The following PGAP6 variants were observed in gnomAD, a reference collection of about 807,000 sequenced individuals.
PGAP6 encodes post-GPI attachment to proteins 6.
PGAP6 carries 62 observed loss-of-function variants against 68.4 expected under a neutral mutation model. The ratio of observed to expected loss-of-function variants is 0.91; its 90% CI spans 0.74 to 1.12. PGAP6 has a LOEUF of 1.12. PGAP6 is among the 50% of genes most tolerant of loss of function. The probability of loss-of-function intolerance (pLI) is 0.00; values close to 1 mark genes in which losing one functional copy is unlikely to be tolerated. For missense variants in PGAP6, 1,188 were observed against 1,068.5 expected (o/e 1.11, Z -1.56); for synonymous variants, 575 against 474.0 (o/e 1.21, Z -2.77).
chr16:381,026 G>A (rs1369148557), intron 1 of PGAP6, among the ~76,000 whole-genome samples: 2 of 152,248 alleles, frequency 1.3e-5, no homozygotes, highest in African/African-American at 4.8e-5. Context: ...GAAGGGCTAC[G>A]CCTTCTCCCT....
intron 1 of PGAP6, among the ~76,000 whole-genome samples, chr16:378,261 C>CCACTCTG (rs2054406525): frequency 1.8e-5 from 2 of 114,144 alleles, no homozygotes; most frequent in South Asian, 3.9e-4. Context: ...TCCCCACCCG[C>CCACTCTG]ACTGCCATCC....
chr16:376,203 A>G lies in PGAP6; in HGVS notation c.1157T>C (p.Met386Thr). Residue 386 changes from methionine (M) to threonine (T), a missense_variant, in exon 6 of 13, where the codon ATG becomes ACG. By Grantham distance (81) the Met-to-Thr change is moderately conservative. Coordinates refer to ENST00000431232, the MANE Select transcript of PGAP6 (RefSeq NM_021259.3). ...VRVCSDTPSV[M>T]RLRLNTGMDS... ...CATGCCGGTGTTCAGGCGCAGCCGC[A>G]TCACGGAGGGCGTGTCCGAACACAC... 1 of 1,612,654 alleles carries G rather than the reference A, an allele frequency of 6.2e-7. No individual in the cohort carries two copies.
At chr16:386,360 G>C (rs1478190682), upstream of PGAP6, among the ~76,000 whole-genome samples, 1 of 152,150 alleles carries the variant, frequency 6.6e-6, no homozygotes, top group African/African-American at 2.4e-5. Flanking sequence ...CACTCTCCCA[G>C]GCTCTGCAGG....
At chr16:380,360 C>T (rs1453352920) in intron 1 of PGAP6, among the ~76,000 whole-genome samples, 1 of 143,732 alleles carries the variant, frequency 7.0e-6, no homozygotes, top group South Asian at 2.2e-4. Context: ...ATTTTTTTTT[C>T]TTTCTGTCTT....
chr16:383,210 A>C (rs1459263519), upstream of PGAP6: 1 of 152,162 alleles, frequency 6.6e-6, no homozygotes, highest in Non-Finnish European at 1.5e-5. Flanking sequence ...AAAAAAAAAA[A>C]AAATTAAAGG....
At position 371,699 on chromosome 16, in the gene PGAP6, C is replaced by CTCG; in HGVS notation, c.*285_*287dup. Reference sequence around the variant, plus strand: ...GGCCAGCAGAGCACACAGCCCCACCCTCGCACAGGCACCTGTGGTCTCCAA... The same window carrying CTCG: ...GGCCAGCAGAGCACACAGCCCCACCCTCGTCGCACAGGCACCTGTGGTCTCCAA... On this transcript the variant is annotated 3_prime_UTR_variant, in exon 13 of 13. Transcript: ENST00000431232. 2.3e-6 allele frequency: 1 copy of CTCG among 427,972 alleles called. No homozygotes were observed. Among genetic ancestry groups the CTCG allele is most frequent in the Non-Finnish European group, 4.3e-6 (1 of 231,244 alleles). 26.5% of individuals were successfully genotyped at this position (427,972 alleles called of 1,614,324 possible). A position where few individuals can be genotyped will look rare whatever the true frequency, so the allele number is the denominator to read the frequency against.
chr16:377,828 G>A lies in PGAP6; in HGVS notation c.142C>T (p.His48Tyr). The A allele has an allele frequency of 6.4e-7, 1 of 1,562,338 alleles. No homozygotes were observed. Among genetic ancestry groups the A allele is most frequent in the Non-Finnish European group, 8.7e-7 (1 of 1,153,940 alleles). The change falls in exon 2 of 13, where the codon CAC (histidine) becomes TAC (tyrosine). Residue 48 changes from histidine (H) to tyrosine (Y), a missense_variant. Transcript: ENST00000431232. Reference sequence around the variant, plus strand: ...AGCCTCTGCGGGGCCTGCGAGAAGTGCTCGGACACCAGCCCCACCTCTGTG... The same window carrying A: ...AGCCTCTGCGGGGCCTGCGAGAAGTACTCGGACACCAGCCCCACCTCTGTG... Reference protein sequence around the residue: ...GKSEVGLVSEHFSQAPQRLSF... With the variant: ...GKSEVGLVSEYFSQAPQRLSF...
At position 377,488 on chromosome 16, in the gene PGAP6, G is replaced by A. The variant is rs1180029351; in HGVS notation, c.397C>T (p.Leu133=). The A allele has an allele frequency of 6.2e-7, 1 of 1,606,584 alleles. No individual in the cohort carries two copies. Among genetic ancestry groups the A allele is most frequent in the Admixed American group, 1.7e-5 (1 of 59,208 alleles). ...GCATTGCTTCTCGGTGTGGTGCTCA[G>A]CGGCACCCCGACCTGGAAGGAGGGC... is the stretch of plus-strand genomic sequence containing the variant. ...VQPSFQVGVP[L]STTPRSNASV... Residue 133 remains leucine, a synonymous_variant, in exon 3 of 13, where the codon CTG becomes TTG. Transcript: ENST00000431232.
At chr16:385,086 A>C (rs1020545527), upstream of PGAP6, among the ~76,000 whole-genome samples, 11 of 150,450 alleles carry the variant, frequency 7.3e-5, no homozygotes, top group East Asian at 1.2e-3. Flanking sequence ...GAATCACTTG[A>C]ACCCGGGAGG....
At chr16:382,073 G>A (rs986085980), upstream of PGAP6, 14 of 376,616 alleles carry the variant, frequency 3.7e-5, 1 homozygote, top group African/African-American at 3.1e-4. Context: ...GGGGGGAGGG[G>A]TCACGTGGGG....
intron 1 of PGAP6, among the ~76,000 whole-genome samples, chr16:381,369 G>A (rs1015201080): frequency 6.6e-6 from 1 of 152,146 alleles, no homozygotes; most frequent in African/African-American, 2.4e-5. Context: ...CTGGAGTCCC[G>A]GGCAGAGTCC....
chr16:375,068 C>A (rs184411379), intron 8 of PGAP6, 65 bp downstream of exon 8: 1 of 1,593,392 alleles, frequency 6.3e-7, no homozygotes, highest in East Asian at 2.2e-5. Flanking sequence ...TCAGGCAGCC[C>A]GGCCTGTGGT....
intron 6 of PGAP6, 67 bp from the exon 7 acceptor site, chr16:375,502 C>T (rs968892165): frequency 6.2e-5 from 84 of 1,353,228 alleles, no homozygotes; most frequent in Non-Finnish European, 8.3e-5. Context: ...ATCTGCCCCA[C>T]GTGCCAGCTC....
intron 4 of PGAP6, 74 bp from the exon 5 acceptor site, chr16:376,886 C>T (rs2054389612): frequency 6.4e-7 from 1 of 1,574,308 alleles, no homozygotes; most frequent in Non-Finnish European, 8.6e-7. Context: ...CCAGGCTCTG[C>T]TGTTCCTCAG....
At chr16:385,412 C>T (rs1194186146), upstream of PGAP6, among the ~76,000 whole-genome samples, 5 of 144,610 alleles carry the variant, frequency 3.5e-5, no homozygotes, top group East Asian at 8.7e-4. Flanking sequence ...CCCGGGTTCA[C>T]GCCATTCTCC....
rs1465161169 is a variant in PGAP6 at position 374,877 on chromosome 16, A to C, written c.1455T>G (p.Ala485=). The change falls in exon 9 of 13, where the codon GCT becomes GCG. Residue 485 remains alanine, a synonymous_variant. Transcript: ENST00000431232. ...CPENAEDCEQ[A]VVHVETTLYL... ...ACAAGGTGGTCTCCACGTGGACCAC[A>C]GCCTGCTCACAGTCCCTTTGAGGAA... The C allele has an allele frequency of 1.2e-6, 2 of 1,612,826 alleles. No homozygotes were observed. The highest frequency in any genetic ancestry group is 2.7e-5 in the African/African-American group (2 of 74,946).
chr16:382,686 G>C (rs1160277920), upstream of PGAP6, among the ~76,000 whole-genome samples: 1 of 151,710 alleles, frequency 6.6e-6, no homozygotes, highest in Non-Finnish European at 1.5e-5. Context: ...TTCCGTCTTA[G>C]GGCCAAGTCG....
At chr16:382,077 C>G, upstream of PGAP6, 1 of 319,088 alleles carries the variant, frequency 3.1e-6, no homozygotes, top group Non-Finnish European at 5.1e-6. Flanking sequence ...GGAGGGGTCA[C>G]GTGGGGCGCC....
chr16:383,109 C>G (rs1363075875), upstream of PGAP6, among the ~76,000 whole-genome samples: 1 of 151,892 alleles, frequency 6.6e-6, no homozygotes, highest in East Asian at 1.9e-4. Flanking sequence ...GAGCGAGACT[C>G]CGTCTCAAAA....
Sources: gnomAD v4.1 joint callset for allele counts (sites outside exome capture counted in the v4.1 genomes callset) on GRCh38, gnomAD v4.1.1 for gene constraint, MANE v1.5 for transcripts, NCBI Gene and HGNC (gene_info 2026-07-23, HGNC 2026-07-21) for gene names.